Variants in POLDIP3 observed in about 807,000 individuals in gnomAD.
The protein encoded by POLDIP3 is polymerase delta-interacting protein 3.
Under a neutral mutation model 45.1 loss-of-function variants are expected in POLDIP3, and 14 were observed. That is an observed-to-expected ratio of 0.31 (90% CI 0.20 to 0.49). The LOEUF is 0.49. Ranked by LOEUF, POLDIP3 falls within the 20% of genes least tolerant of loss-of-function variation. The pLI, the probability that POLDIP3 is intolerant of heterozygous loss-of-function variation, is 0.99. For synonymous variants in POLDIP3, 223 were observed against 205.2 expected (o/e 1.09, Z -0.74); for missense variants, 511 against 538.8 (o/e 0.95, Z 0.51).
intron 1 of POLDIP3, among the ~76,000 whole-genome samples, chr22:42,609,292 A>T: frequency 6.6e-6 from 1 of 152,208 alleles, no homozygotes; most frequent in East Asian, 1.9e-4. Flanking sequence ...TGAGTCTCGT[A>T]ATGCCCCACC....
intron 7 of POLDIP3, among the ~76,000 whole-genome samples, chr22:42,588,666 T>C (rs1337190594): frequency 1.3e-5 from 2 of 151,160 alleles, no homozygotes; most frequent in Non-Finnish European, 3.0e-5. Context: ...TTCGCTCTTA[T>C]TGCCCAGGCT....
intron 4 of POLDIP3, chr22:42,597,872 G>A (rs1031602177): frequency 1.8e-5 from 7 of 393,438 alleles, no homozygotes; most frequent in African/African-American, 1.1e-4. Flanking sequence ...CCTCCACCTC[G>A]GGGTTCAAAC....
chr22:42,604,811 C>A (rs370363197), intron 1 of POLDIP3, among the ~76,000 whole-genome samples: 8 of 152,164 alleles, frequency 5.3e-5, no homozygotes, highest in African/African-American at 1.9e-4. Flanking sequence ...AAACCTAAGG[C>A]GGTAATACAG....
intron 7 of POLDIP3, among the ~76,000 whole-genome samples, chr22:42,588,959 G>C (rs1462499274): frequency 3.9e-5 from 6 of 152,092 alleles, no homozygotes; most frequent in Non-Finnish European, 8.8e-5. Flanking sequence ...AGTAAGAGTG[G>C]GCCAGGCTTG....
At position 42,584,844 on chromosome 22, in the gene POLDIP3, G is replaced by C. The variant is rs547135795; in HGVS notation, c.*947C>G. 6.6e-6 allele frequency: 3 copies of C among 455,164 alleles called. No individual in the cohort carries two copies. Among genetic ancestry groups the C allele is most frequent in the African/African-American group, 6.0e-5 (3 of 50,136 alleles). 28.2% of individuals were successfully genotyped at this position (455,164 alleles called of 1,614,324 possible). On this transcript the variant is annotated 3_prime_UTR_variant, in exon 9 of 9. Coordinates refer to ENST00000252115, the MANE Select transcript of POLDIP3 (RefSeq NM_032311.5). ...TGACCACTGTCCTGTAGACAACTGAGGCCAGAAATGGAGAGCCAGGAACAA... is the reference window on the plus strand; with the variant it reads ...TGACCACTGTCCTGTAGACAACTGACGCCAGAAATGGAGAGCCAGGAACAA...
rs143753609 is a variant in POLDIP3 at position 42,585,739 on chromosome 22, G to A, written c.*52C>T. On this transcript the variant is annotated 3_prime_UTR_variant, in exon 9 of 9. Transcript: ENST00000252115. ...CATTGGTCATAAGCTTTGCCTTGGGGAAACAGAGCCACCCTCCTCTGCCCC... is the reference window on the plus strand; with the variant it reads ...CATTGGTCATAAGCTTTGCCTTGGGAAAACAGAGCCACCCTCCTCTGCCCC... 2 of 1,565,472 alleles carry A rather than the reference G, an allele frequency of 1.3e-6. No homozygotes were observed. Among genetic ancestry groups the A allele is most frequent in the Non-Finnish European group, 1.7e-6 (2 of 1,153,724 alleles).
intron 8 of POLDIP3, 84 bp downstream of exon 8, chr22:42,587,422 G>C: frequency 1.5e-6 from 2 of 1,331,978 alleles, no homozygotes; most frequent in Non-Finnish European, 2.1e-6. Flanking sequence ...ATGAAGGGGA[G>C]CTGTGATGCA....
Position 42,601,995 on chromosome 22 carries a change from A to T in POLDIP3, c.512T>A (p.Val171Asp). Residue 171 changes from valine to aspartate, a missense_variant, in exon 3 of 9, where the codon GTT (valine) becomes GAT (aspartate). Physicochemically the swap from Val to Asp is radical, Grantham distance 152. Around this residue, in one of 4 missense-constraint regions of POLDIP3, gnomAD observed 378 missense variants for 352.3 expected, o/e 1.07. Coordinates refer to ENST00000252115, the MANE Select transcript of POLDIP3 (RefSeq NM_032311.5). ...HPHPAGMRIN[V>D]VNNHQAKQNL... ...CTGTTTGGCCTGGTGGTTATTGACA[A>T]CATTGATTCTCATTCCGGCAGGATG... is the stretch of plus-strand genomic sequence containing the variant. 1 of 1,614,112 alleles carries T rather than the reference A, an allele frequency of 6.2e-7. No individual in the cohort carries two copies. Among genetic ancestry groups the T allele is most frequent in the Non-Finnish European group, 8.5e-7 (1 of 1,180,004 alleles).
At chr22:42,588,456 C>CAAAA (rs137093) in intron 7 of POLDIP3, among the ~76,000 whole-genome samples, 2 of 101,524 alleles carry the variant, frequency 2.0e-5, no homozygotes, top group Non-Finnish European at 4.5e-5. Context: ...GACTCCACCT[C>CAAAA]AAAAAAAAAA....
chr22:42,585,454 GC>G lies in POLDIP3; in HGVS notation c.*336del. ...CAGCCCCCACGCTGCATCCCATGGG[GC>G]CACAAGAAAGCCACCCAGAGAATTC... On this transcript the variant is annotated 3_prime_UTR_variant, in exon 9 of 9. Transcript: ENST00000252115. 2.8e-6 allele frequency: 1 copy of G among 360,090 alleles called. No homozygotes were observed. The highest frequency in any genetic ancestry group is 5.4e-6 in the Non-Finnish European group (1 of 186,014). 22.3% of individuals were successfully genotyped at this position (360,090 alleles called of 1,614,324 possible). A position where few individuals can be genotyped will look rare whatever the true frequency, so the allele number is the denominator to read the frequency against.
chr22:42,591,150 C>T lies in POLDIP3; in HGVS notation c.1021+805G>A, dbSNP rs533703066. Among the ~76,000 whole-genome samples, 3 of 150,826 alleles carry T rather than the reference C, an allele frequency of 2.0e-5. 1 individual carries two copies. In the South Asian group the frequency reaches 6.4e-4, roughly 32 times the overall value. ...AAGGAAAATAAGTATCTTTCCACAT[C>T]CAAACATATGACAAAAAATAAGAAA... On this transcript the variant is annotated intron_variant, in intron 7 of 8. Transcript: ENST00000252115.
chr22:42,602,416 TG>T (rs1341683894), intron 2 of POLDIP3, among the ~76,000 whole-genome samples: 1 of 152,222 alleles, frequency 6.6e-6, no homozygotes, highest in African/African-American at 2.4e-5. Flanking sequence ...CCACTGGGCC[TG>T]GGGGTGGAGT....
chr22:42,587,263 A>G (rs1305093636), intron 8 of POLDIP3, among the ~76,000 whole-genome samples: 2 of 152,182 alleles, frequency 1.3e-5, no homozygotes, highest in Admixed American at 6.5e-5. Context: ...CCACTCAGAT[A>G]TTTCTAAATC....
At chr22:42,589,599 C>T (rs187766179) in intron 7 of POLDIP3, among the ~76,000 whole-genome samples, 1 of 152,094 alleles carries the variant, frequency 6.6e-6, no homozygotes, top group African/African-American at 2.4e-5. Flanking sequence ...CACTTGAGGT[C>T]AGGACTTCAA....
At position 42,614,839 on chromosome 22, in the gene POLDIP3, C is replaced by G. The variant is rs369044507; in HGVS notation, c.19G>C (p.Asp7His). 1.5e-5 allele frequency: 25 copies of G among 1,613,932 alleles called. No individual in the cohort carries two copies. Among genetic ancestry groups the G allele is most frequent in the Non-Finnish European group, 1.9e-5 (23 of 1,179,966 alleles). Residue 7 changes from aspartate to histidine, a missense_variant, in exon 1 of 9, where the codon GAC becomes CAC. Coordinates refer to ENST00000252115, the MANE Select transcript of POLDIP3 (RefSeq NM_032311.5). ...GCCCCGCGCTTCCTGATGAGTTCGT[C>G]CAGGGAGATGTCCGCCATCTTGCTC... MADISL[D>H]ELIRKRGAAA...
intron 7 of POLDIP3, among the ~76,000 whole-genome samples, chr22:42,590,580 G>A (rs1925603610): frequency 6.6e-6 from 1 of 152,094 alleles, no homozygotes; most frequent in Admixed American, 6.6e-5. Flanking sequence ...TAATGTTATG[G>A]GCCCACTGTC....
intron 6 of POLDIP3, among the ~76,000 whole-genome samples, chr22:42,594,964 C>G (rs1310762804): frequency 6.6e-6 from 1 of 152,196 alleles, no homozygotes; most frequent in Non-Finnish European, 1.5e-5. Context: ...GGCCAGGCAC[C>G]TGGCCTTGGC....
chr22:42,607,159 C>T (rs910388565), intron 1 of POLDIP3, among the ~76,000 whole-genome samples: 1 of 152,186 alleles, frequency 6.6e-6, no homozygotes, highest in Non-Finnish European at 1.5e-5. Context: ...CCTCTGATGC[C>T]GAGCCGAGGC....
In POLDIP3 at chr22:42,592,095, C is replaced by G. The variant is rs201594377; in HGVS notation, c.892-11G>C. On this transcript the variant is annotated splice_polypyrimidine_tract_variant and intron_variant, in intron 6 of 8. Coordinates refer to ENST00000252115, the MANE Select transcript of POLDIP3 (RefSeq NM_032311.5). ...CACACAGAAAAGCTCCTGCACACAACAAGAGGGGTTGGGATTGGGGAAGGA... is the reference window on the plus strand; with the variant it reads ...CACACAGAAAAGCTCCTGCACACAAGAAGAGGGGTTGGGATTGGGGAAGGA... 1.2e-6 allele frequency: 2 copies of G among 1,614,084 alleles called. No individual in the cohort carries two copies. The highest frequency in any genetic ancestry group is 1.1e-5 in the South Asian group (1 of 91,084).
Sources: allele counts gnomAD v4.1 joint callset (sites outside exome capture counted in the v4.1 genomes callset), GRCh38; gene constraint gnomAD v4.1.1; regional missense constraint gnomAD v4.1.1; transcripts MANE v1.5; gene names NCBI Gene and HGNC (gene_info 2026-07-23, HGNC 2026-07-21).